C10orf67: variants seen among roughly 807,000 people sequenced by gnomAD.
The protein encoded by C10orf67 is uncharacterized protein C10orf67, mitochondrial.
C10orf67 carries 60 observed loss-of-function variants against 35.6 expected under a neutral mutation model. The observed-to-expected ratio is 1.68, with a 90% confidence interval of 1.37 to 2.09. The LOEUF (loss-of-function observed/expected upper bound fraction) is 2.09. C10orf67 is among the 30% of genes most tolerant of loss of function. The pLI, the probability that C10orf67 is intolerant of heterozygous loss-of-function variation, is 0.00. For synonymous variants in C10orf67, 167 were observed against 115.8 expected (o/e 1.44, Z -2.84); for missense variants, 474 against 330.2 (o/e 1.44, Z -3.38).
At chr10:23,263,647 A>G (rs1034028326) in intron 10 of C10orf67, among the ~76,000 whole-genome samples, 5 of 152,192 alleles carry the variant, frequency 3.3e-5, no homozygotes, top group African/African-American at 4.8e-5. Flanking sequence ...CATGCACCAT[A>G]TGTTCATCAG....
At chr10:23,231,181 G>C (rs1319727891) in intron 13 of C10orf67, among the ~76,000 whole-genome samples, 1 of 151,972 alleles carries the variant, frequency 6.6e-6, no homozygotes, top group East Asian at 1.9e-4. Flanking sequence ...CAAACTCTTG[G>C]GCTTTAGTTA....
chr10:23,343,611 C>T (rs113626727), intron 1 of C10orf67, among the ~76,000 whole-genome samples: 1 of 152,160 alleles, frequency 6.6e-6, no homozygotes, highest in African/African-American at 2.4e-5. Context: ...GATTATTTCC[C>T]GCTGAGAAAA....
intron 5 of C10orf67, among the ~76,000 whole-genome samples, chr10:23,299,835 G>A (rs528802128): frequency 3.9e-5 from 6 of 152,166 alleles, no homozygotes; most frequent in East Asian, 1.9e-4. Flanking sequence ...AAAATTAGCC[G>A]GGTGTGGTGG....
chr10:23,324,698 C>A (rs1194694694), intron 2 of C10orf67, among the ~76,000 whole-genome samples: 1 of 152,210 alleles, frequency 6.6e-6, no homozygotes, highest in Non-Finnish European at 1.5e-5. Context: ...CCCATAAGAA[C>A]CATGGCAATA....
intron 13 of C10orf67, among the ~76,000 whole-genome samples, chr10:23,229,292 A>G (rs1429998538): frequency 6.6e-6 from 1 of 151,982 alleles, no homozygotes; most frequent in Non-Finnish European, 1.5e-5. Flanking sequence ...AGGGACATGG[A>G]TGAAGCTGGA....
At chr10:23,266,951 C>A (rs1243108943) in intron 9 of C10orf67, among the ~76,000 whole-genome samples, 2 of 152,052 alleles carry the variant, frequency 1.3e-5, no homozygotes, top group Non-Finnish European at 2.9e-5. Context: ...CACTGTGTTG[C>A]GCAGGCTGGT....
At chr10:23,268,772 GC>G (rs1842946534) in intron 8 of C10orf67, among the ~76,000 whole-genome samples, 1 of 152,202 alleles carries the variant, frequency 6.6e-6, no homozygotes, top group Non-Finnish European at 1.5e-5. Context: ...AGGTTGCACA[GC>G]CCACTACACG....
intron 13 of C10orf67, among the ~76,000 whole-genome samples, chr10:23,230,812 A>G (rs999181450): frequency 1.3e-5 from 2 of 152,232 alleles, no homozygotes; most frequent in African/African-American, 4.8e-5. Flanking sequence ...GGCAAAAATG[A>G]TGAAGTCTGG....
At chr10:23,302,182 T>C (rs564717598) in intron 5 of C10orf67, among the ~76,000 whole-genome samples, 20 of 151,576 alleles carry the variant, frequency 1.3e-4, no homozygotes, top group African/African-American at 4.8e-4. Context: ...ATTAATCTAT[T>C]AATAATTATT....
intron 12 of C10orf67, among the ~76,000 whole-genome samples, chr10:23,240,043 C>G (rs1842142976): frequency 6.6e-6 from 1 of 151,676 alleles, no homozygotes; most frequent in African/African-American, 2.4e-5. Context: ...AAAAAATAAC[C>G]AGGCATGCGT....
At chr10:23,235,864 C>A (rs1279713300) in intron 13 of C10orf67, among the ~76,000 whole-genome samples, 1 of 152,104 alleles carries the variant, frequency 6.6e-6, no homozygotes. Flanking sequence ...CACATGTAAT[C>A]CCAGCACTTA....
intron 13 of C10orf67, among the ~76,000 whole-genome samples, chr10:23,230,234 T>C (rs1841871012): frequency 6.6e-6 from 1 of 152,144 alleles, no homozygotes; most frequent in African/African-American, 2.4e-5. Flanking sequence ...TTTTATTAAA[T>C]GGATACTTCA....
At chr10:23,214,781 G>C (rs1320766092) in intron 15 of C10orf67, among the ~76,000 whole-genome samples, 2 of 152,212 alleles carry the variant, frequency 1.3e-5, no homozygotes, top group Admixed American at 1.3e-4. Flanking sequence ...CCAGCACTTA[G>C]GGAGGCTAAG....
intron 9 of C10orf67, among the ~76,000 whole-genome samples, chr10:23,266,677 C>T (rs567171709): frequency 3.9e-4 from 60 of 151,908 alleles, no homozygotes; most frequent in Non-Finnish European, 7.2e-4. Flanking sequence ...CAGATCCATG[C>T]TCTTTGGAAG....
chr10:23,294,367 GCACA>G (rs149905993), intron 5 of C10orf67, among the ~76,000 whole-genome samples: 8 of 148,616 alleles, frequency 5.4e-5, no homozygotes, highest in Non-Finnish European at 7.5e-5. Context: ...ACATGCACAG[GCACA>G]CACACACACA....
intron 5 of C10orf67, among the ~76,000 whole-genome samples, chr10:23,295,611 T>C (rs897749437): frequency 6.6e-6 from 1 of 152,184 alleles, no homozygotes; most frequent in Non-Finnish European, 1.5e-5. Context: ...GGGTATCATG[T>C]TGCATTTCAC....
intron 15 of C10orf67, among the ~76,000 whole-genome samples, chr10:23,215,972 T>A (rs1415398015): frequency 6.6e-6 from 1 of 152,170 alleles, no homozygotes; most frequent in East Asian, 1.9e-4. Flanking sequence ...AGAATAGCTA[T>A]GACAAACCTA....
chr10:23,312,171 G>A (rs1481990218), intron 4 of C10orf67, among the ~76,000 whole-genome samples: 7 of 151,938 alleles, frequency 4.6e-5, no homozygotes, highest in Non-Finnish European at 1.0e-4. Context: ...GCATTGGTAG[G>A]GAGATATTTT....
intron 5 of C10orf67, among the ~76,000 whole-genome samples, chr10:23,302,893 G>T (rs897304314): frequency 1.3e-5 from 2 of 152,100 alleles, no homozygotes; most frequent in African/African-American, 4.8e-5. Flanking sequence ...ATGTCATTCT[G>T]TTCCAAGTTG....
Sources: gnomAD v4.1 joint callset for allele counts (sites outside exome capture counted in the v4.1 genomes callset) on GRCh38, gnomAD v4.1.1 for gene constraint, MANE v1.5 for transcripts, NCBI Gene and HGNC (gene_info 2026-07-23, HGNC 2026-07-21) for gene names.